Variants in BUD13 observed in about 807,000 individuals in gnomAD.
BUD13 encodes the protein BUD13 spliceosome associated protein.
In BUD13, 47 loss-of-function variants were observed where a neutral mutation model predicts 62.5. That is an observed-to-expected ratio of 0.75 (90% CI 0.60 to 0.96). The LOEUF is 0.96. Ranked by LOEUF, BUD13 falls within the 40% of genes least tolerant of loss-of-function variation. BUD13 has a pLI of 0.00. For missense variants in BUD13, 821 were observed against 790.9 expected, an observed-to-expected ratio of 1.04 and a Z score of -0.46; for synonymous variants, 293 against 280.1, an observed-to-expected ratio of 1.05 and a Z score of -0.46.
intron 1 of BUD13, among the ~76,000 whole-genome samples, chr11:116,772,014 C>T (rs1314498078): frequency 7.9e-5 from 12 of 152,252 alleles, no homozygotes; most frequent in Non-Finnish European, 1.0e-4. Context: ...TAAATCCAAT[C>T]CAATCTCAGC....
In BUD13 at chr11:116,772,750, G is replaced by C. The variant is rs573854374; in HGVS notation, c.143+72C>G. ...ACCCGCCAAGAGGGAAGGAACTGCC[G>C]GGCGGCCGAGGGCGGAGTTGGGAAG... On this transcript the variant is annotated intron_variant, in intron 1 of 9. Transcript: ENST00000260210. The C allele has an allele frequency of 7.6e-5, 108 of 1,424,054 alleles. No homozygotes were observed. The African/African-American group carries it at 1.1e-3, about 14-fold the overall frequency. The allele number at this position is 1,424,054 out of a possible 1,614,324, so 88.2% of individuals were successfully genotyped here. A position where few individuals can be genotyped will look rare whatever the true frequency, so the allele number is the denominator to read the frequency against.
At chr11:116,759,630 T>G (rs1026840326) in intron 5 of BUD13, among the ~76,000 whole-genome samples, 1 of 152,234 alleles carries the variant, frequency 6.6e-6, no homozygotes, top group African/African-American at 2.4e-5. Flanking sequence ...ATGAAAACTT[T>G]TTGCTAATTT....
In BUD13 at chr11:116,772,826, T is replaced by C. The variant is rs1940655627; in HGVS notation, c.139A>G (p.Lys47Glu). 6.3e-7 allele frequency: 1 copy of C among 1,576,218 alleles called. No homozygotes were observed. Among genetic ancestry groups the C allele is most frequent in the Admixed American group, 1.7e-5 (1 of 57,202 alleles). The change falls in exon 1 of 10, where the codon AAG (lysine) becomes GAG (glutamate). Residue 47 changes from lysine (K) to glutamate (E), a missense_variant. This residue lies in a region of BUD13 where 800 missense variants were observed against 739.2 expected (regional missense o/e 1.08). Transcript: ENST00000260210. ...CCCCGGCCGGTACCAACTCACCCCT[T>C]GCCGCCGGCCCCGCCAGGCTTCGGC... Reference protein sequence around the residue: ...KRPKPGGAGGKGMRIVDDDVS... With the variant: ...KRPKPGGAGGEGMRIVDDDVS...
chr11:116,758,583 CTTTTTTTTTTTTT>C (rs397687372), intron 6 of BUD13, among the ~76,000 whole-genome samples, 176 bp from the exon 7 acceptor site: 7 of 116,624 alleles, frequency 6.0e-5, no homozygotes, highest in African/African-American at 1.9e-4. Flanking sequence ...TGGCATTTTC[CTTTTTTTTTTTTT>C]TTTTTTTTTG....
rs986206707 is a variant in BUD13 at position 116,762,599 on chromosome 11, C to A, written c.990G>T (p.Lys330Asn). The A allele has an allele frequency of 2.9e-5, 47 of 1,612,678 alleles. No individual in the cohort carries two copies. Among genetic ancestry groups the A allele is most frequent in the Non-Finnish European group, 3.6e-5 (42 of 1,179,652 alleles). Residue 330 changes from lysine (K) to asparagine (N), a missense_variant, in exon 4 of 10, where the codon AAG (lysine) becomes AAT (asparagine). Transcript: ENST00000260210. Reference protein sequence around the residue: ...YDPDISPPRKKQAKSHFGDKK... With the variant: ...YDPDISPPRKNQAKSHFGDKK... ...TGTCTCCAAAATGGGATTTTGCTTG[C>A]TTTTTTCGTGGAGGAGAGATGTCAG...
chr11:116,750,564 C>T (rs1457600465), intron 9 of BUD13, among the ~76,000 whole-genome samples: 1 of 152,120 alleles, frequency 6.6e-6, no homozygotes, highest in African/African-American at 2.4e-5. Flanking sequence ...ACCAGCTCAC[C>T]CCTGACCACA....
At chr11:116,751,759 T>G (rs1488074011) in intron 9 of BUD13, among the ~76,000 whole-genome samples, 3 of 152,144 alleles carry the variant, frequency 2.0e-5, no homozygotes, top group Non-Finnish European at 4.4e-5. Context: ...AGAGTTACAC[T>G]AATATGATAA....
At position 116,768,124 on chromosome 11, in the gene BUD13, C is replaced by T. The variant is rs143244574; in HGVS notation, c.237+2005G>A. On this transcript the variant is annotated intron_variant, in intron 2 of 9. Coordinates refer to ENST00000260210, the MANE Select transcript of BUD13 (RefSeq NM_032725.4). ...AAGCAACATGGGAATATAACTAAAGCGAACCATACCCTTTGATCCACTCAT... is the reference window on the plus strand; with the variant it reads ...AAGCAACATGGGAATATAACTAAAGTGAACCATACCCTTTGATCCACTCAT... 8.2e-4 allele frequency among the ~76,000 whole-genome samples: 125 copies of T among 151,946 alleles called. 1 individual carries two copies. Among genetic ancestry groups the T allele is most frequent in the Middle Eastern group, 3.4e-3 (1 of 292 alleles).
chr11:116,770,228 T>C lies in BUD13; in HGVS notation c.144-6A>G, dbSNP rs765319276. 3.7e-6 allele frequency: 6 copies of C among 1,606,698 alleles called. No homozygotes were observed. The African/African-American group carries it at 4.0e-5, about 11-fold the overall frequency. On this transcript the variant is annotated splice_polypyrimidine_tract_variant and splice_region_variant and intron_variant, in intron 1 of 9. Transcript: ENST00000260210. ...CATCATCCACAATCCGCATTCTAAA[T>C]GAGAATAAGAAGATCAAAAAGAGTC... is the stretch of plus-strand genomic sequence containing the variant.
rs1362920988 is a variant in BUD13, at chr11:116,748,244, A to G, written c.*238T>C. ...CCCTACCAAGAACAAACCCTGGTCA[A>G]TGAGAAATCAATGCTTCCTCTGAAA... On this transcript the variant is annotated 3_prime_UTR_variant, in exon 10 of 10. Coordinates refer to ENST00000260210, the MANE Select transcript of BUD13 (RefSeq NM_032725.4). 1 of 470,474 alleles carries G rather than the reference A, an allele frequency of 2.1e-6. No individual in the cohort carries two copies. Among genetic ancestry groups the G allele is most frequent in the East Asian group, 3.4e-5 (1 of 29,720 alleles). The allele number at this position is 470,474 out of a possible 1,614,324, so 29.1% of individuals were successfully genotyped here.
At position 116,748,446 on chromosome 11, in the gene BUD13, T is replaced by TACCACAGCCCAGCCACC; in HGVS notation, c.*19_*35dup. 6.3e-7 allele frequency: 1 copy of TACCACAGCCCAGCCACC among 1,592,416 alleles called. No homozygotes were observed. Among genetic ancestry groups the TACCACAGCCCAGCCACC allele is most frequent in the Admixed American group, 1.7e-5 (1 of 59,958 alleles). The stretch of plus-strand genomic sequence containing the variant: ...TGGATATCTCGCTGCCTATGCCCAC[T>TACCACAGCCCAGCCACC]ACCACAGCCCAGCCACCCCCACAGC... On this transcript the variant is annotated 3_prime_UTR_variant, in exon 10 of 10. Coordinates refer to ENST00000260210, the MANE Select transcript of BUD13 (RefSeq NM_032725.4).
chr11:116,763,187 A>T lies in BUD13; in HGVS notation c.402T>A (p.Gly134=). The stretch of plus-strand genomic sequence containing the variant: ...CCTTCCTAGGAGATGGATCTGGGGT[A>T]CCATGACGGACCCTCCTAGGAGATG... The part of the protein sequence containing the change: ...PDSSPRRVRH[G]TPDPSPRKDR... The change falls in exon 4 of 10, where the codon GGT becomes GGA. Residue 134 remains glycine, a synonymous_variant. Transcript: ENST00000260210. The T allele has an allele frequency of 6.3e-7, 1 of 1,593,158 alleles. No individual in the cohort carries two copies. The highest frequency in any genetic ancestry group is 8.6e-7 in the Non-Finnish European group (1 of 1,169,210).
intron 9 of BUD13, among the ~76,000 whole-genome samples, chr11:116,756,586 T>C (rs1367054581): frequency 6.6e-6 from 1 of 152,158 alleles, no homozygotes; most frequent in Non-Finnish European, 1.5e-5. Context: ...TAAAACAATG[T>C]CCTTTAGTAG....
Position 116,748,354 on chromosome 11 carries a change from A to G in BUD13, c.*128T>C. 1.3e-6 allele frequency: 1 copy of G among 764,672 alleles called. No individual in the cohort carries two copies. The highest frequency in any genetic ancestry group is 2.2e-6 in the Non-Finnish European group (1 of 455,486). 47.4% of individuals were successfully genotyped at this position (764,672 alleles called of 1,614,324 possible). A position where few individuals can be genotyped will look rare whatever the true frequency, so the allele number is the denominator to read the frequency against. On this transcript the variant is annotated 3_prime_UTR_variant, in exon 10 of 10. Transcript: ENST00000260210. ...GGTCTCGAATATTCTTCTGTGGTCA[A>G]AACTGGCATTCAACAAGTTGCTGGT...
At chr11:116,772,691 G>C in intron 1 of BUD13, 131 bp downstream of exon 1, 2 of 1,278,306 alleles carry the variant, frequency 1.6e-6, no homozygotes, top group Non-Finnish European at 2.0e-6. Context: ...GTGGGGCCCT[G>C]AGCATGAGCA....
At chr11:116,750,703 C>T (rs1400191449) in intron 9 of BUD13, among the ~76,000 whole-genome samples, 2 of 152,288 alleles carry the variant, frequency 1.3e-5, no homozygotes, top group East Asian at 1.9e-4. Flanking sequence ...AATCTTGTAC[C>T]TTTCAAATCC....
At chr11:116,756,087 A>AT (rs1940319324) in intron 9 of BUD13, among the ~76,000 whole-genome samples, 1 of 152,142 alleles carries the variant, frequency 6.6e-6, no homozygotes, top group East Asian at 1.9e-4. Flanking sequence ...ACATGCCTGT[A>AT]ATCCCAGCTA....
intron 2 of BUD13, 21 bp from the exon 3 acceptor site, chr11:116,765,467 T>C: frequency 6.2e-7 from 1 of 1,613,742 alleles, no homozygotes; most frequent in Non-Finnish European, 8.5e-7. Flanking sequence ...AAAGATTTCC[T>C]ATCTTAGGAA....
intron 2 of BUD13, among the ~76,000 whole-genome samples, chr11:116,767,061 G>T (rs1565315640): frequency 6.6e-6 from 1 of 151,754 alleles, no homozygotes; most frequent in Admixed American, 6.6e-5. Context: ...GGTGGCAGGC[G>T]CCTGTAATCC....
Sources: gnomAD v4.1 joint callset for allele counts (sites outside exome capture counted in the v4.1 genomes callset) on GRCh38, gnomAD v4.1.1 for gene constraint, gnomAD v4.1.1 regional missense constraint, MANE v1.5 for transcripts, NCBI Gene and HGNC (gene_info 2026-07-23, HGNC 2026-07-21) for gene names.